PABPC4L: variants seen among roughly 807,000 people sequenced by gnomAD.
PABPC4L encodes the protein polyadenylate-binding protein 4-like.
For synonymous variants in PABPC4L, 169 were observed against 164.1 expected (o/e 1.03, Z -0.23); for missense variants, 452 against 451.4 (o/e 1.00, Z -0.01).
the PABPC4L span, among the ~76,000 whole-genome samples, chr4:133,981,635 A>G: frequency 1.6e-4 from 25 of 152,070 alleles, no homozygotes; most frequent in Admixed American, 1.3e-4. Context: ...CACTCAATCA[A>G]TTATTTCTAG....
the PABPC4L span, among the ~76,000 whole-genome samples, chr4:134,006,472 T>C: frequency 6.6e-6 from 1 of 152,006 alleles, no homozygotes; most frequent in South Asian, 2.1e-4. Context: ...CTACCTGGGC[T>C]TTTTCAGCCT....
the PABPC4L span, among the ~76,000 whole-genome samples, chr4:134,111,406 G>A: frequency 6.6e-6 from 1 of 151,842 alleles, no homozygotes. Flanking sequence ...TGCAAATATA[G>A]ATATAGATGA....
the PABPC4L span, among the ~76,000 whole-genome samples, chr4:134,076,537 G>A: frequency 6.6e-6 from 1 of 152,106 alleles, no homozygotes; most frequent in African/African-American, 2.4e-5. Flanking sequence ...GTCAGGAAAA[G>A]GAAGGAGTCA....
the PABPC4L span, among the ~76,000 whole-genome samples, chr4:134,176,968 G>A: frequency 6.6e-6 from 1 of 151,986 alleles, no homozygotes; most frequent in East Asian, 1.9e-4. Context: ...CTATACTGGT[G>A]GCCACAACCC....
the PABPC4L span, among the ~76,000 whole-genome samples, chr4:134,038,104 G>A: frequency 6.6e-6 from 1 of 152,142 alleles, no homozygotes; most frequent in African/African-American, 2.4e-5. Flanking sequence ...CATGGGTCCT[G>A]TTTATGTGAT....
chr4:134,154,488 C>T, the PABPC4L span, among the ~76,000 whole-genome samples: 1 of 151,922 alleles, frequency 6.6e-6, no homozygotes, highest in Non-Finnish European at 1.5e-5. Context: ...AACATCTCCC[C>T]TATCCTTTTG....
chr4:134,108,204 G>GT, the PABPC4L span, among the ~76,000 whole-genome samples: 1 of 151,578 alleles, frequency 6.6e-6, no homozygotes, highest in Non-Finnish European at 1.5e-5. Context: ...CACAGCCCTA[G>GT]TCTCATAATT....
chr4:134,195,706 A>G (rs888340413), downstream of PABPC4L, among the ~76,000 whole-genome samples: 1 of 151,698 alleles, frequency 6.6e-6, no homozygotes, highest in Non-Finnish European at 1.5e-5. Flanking sequence ...TGTTTCATTC[A>G]GGGCAACTAC....
the PABPC4L span, among the ~76,000 whole-genome samples, chr4:134,061,912 G>T: frequency 1.1e-4 from 17 of 151,858 alleles, no homozygotes; most frequent in South Asian, 3.3e-3. Flanking sequence ...TATTATTAAA[G>T]ATTTTTAAGC....
chr4:134,089,395 A>G, the PABPC4L span, among the ~76,000 whole-genome samples: 2 of 152,094 alleles, frequency 1.3e-5, no homozygotes, highest in African/African-American at 4.8e-5. Flanking sequence ...CTACATCCAC[A>G]CATCATTATC....
At chr4:134,187,364 T>TA in the PABPC4L span, among the ~76,000 whole-genome samples, 1 of 151,782 alleles carries the variant, frequency 6.6e-6, no homozygotes, top group African/African-American at 2.4e-5. Context: ...TATTCAGCCA[T>TA]AAAAAAGGAT....
the PABPC4L span, among the ~76,000 whole-genome samples, chr4:134,097,225 T>A: frequency 1.3e-5 from 2 of 151,908 alleles, no homozygotes; most frequent in Admixed American, 6.6e-5. Context: ...AATTTAAAAT[T>A]AGAATCTTAG....
At chr4:134,072,934 C>T in the PABPC4L span, among the ~76,000 whole-genome samples, 2 of 152,170 alleles carry the variant, frequency 1.3e-5, no homozygotes, top group African/African-American at 4.8e-5. Context: ...TCAATTACCT[C>T]CCAGTGGGTC....
the PABPC4L span, among the ~76,000 whole-genome samples, chr4:133,972,279 G>A: frequency 6.6e-6 from 1 of 152,162 alleles, no homozygotes; most frequent in South Asian, 2.1e-4. Flanking sequence ...ATATACTCTA[G>A]TTGCTAGTCC....
chr4:134,161,366 C>T, the PABPC4L span, among the ~76,000 whole-genome samples: 1 of 151,828 alleles, frequency 6.6e-6, no homozygotes, highest in Admixed American at 6.6e-5. Flanking sequence ...AAATCTTATT[C>T]AAGGAAGTAA....
At chr4:133,967,912 G>T in the PABPC4L span, among the ~76,000 whole-genome samples, 53,179 of 152,014 alleles carry the variant, frequency 0.35, 9,704 homozygotes, top group Admixed American at 0.47. Context: ...ATATGAAAAT[G>T]TGTTTAGAAT....
the PABPC4L span, among the ~76,000 whole-genome samples, chr4:134,055,776 C>T: frequency 2.0e-5 from 3 of 150,920 alleles, no homozygotes; most frequent in Admixed American, 1.3e-4. Flanking sequence ...TGTATCTTGT[C>T]TTTTCATCTT....
the PABPC4L span, among the ~76,000 whole-genome samples, chr4:134,160,664 T>G: frequency 6.6e-6 from 1 of 151,930 alleles, no homozygotes; most frequent in Non-Finnish European, 1.5e-5. Context: ...ATTGTTGAGG[T>G]CAGAAGTTAG....
At chr4:133,969,698 G>A in the PABPC4L span, among the ~76,000 whole-genome samples, 279 of 152,302 alleles carry the variant, frequency 1.8e-3, 1 homozygote, top group African/African-American at 6.5e-3. Context: ...AGGGAAGGGT[G>A]TTGTTCCCAT....
Sources: gnomAD v4.1 joint callset for allele counts (sites outside exome capture counted in the v4.1 genomes callset) on GRCh38, gnomAD v4.1.1 for gene constraint, MANE v1.5 for transcripts, NCBI Gene and HGNC (gene_info 2026-07-23, HGNC 2026-07-21) for gene names.